Variants in DLC1 observed in about 807,000 individuals in gnomAD.
DLC1 encodes the protein rho GTPase-activating protein 7.
A neutral mutation model predicts 140.3 loss-of-function variants in DLC1; 54 were observed. The observed-to-expected ratio is 0.38, with a 90% confidence interval of 0.31 to 0.48. The LOEUF is 0.48. Among genes scored for constraint, DLC1 ranks in the 20% least tolerant of loss-of-function variants. DLC1 has a pLI of 0.96. For missense variants in DLC1, 2,536 were observed against 1,907.0 expected, an observed-to-expected ratio of 1.33 and a Z score of -6.14; for synonymous variants, 986 against 728.1, an observed-to-expected ratio of 1.35 and a Z score of -5.70.
rs190655349 is a variant in DLC1, at chr8:13,286,987, G to A, written c.1348+18282C>T. ...ACTCTAGAGACTGAAGCACAAATGC[G>A]GATGGTGAAAGGCCATGGAGATTTT... On this transcript the variant is annotated intron_variant, in intron 5 of 17. Transcript: ENST00000276297. 1.4e-3 allele frequency among the ~76,000 whole-genome samples: 206 copies of A among 152,276 alleles called. 1 individual carries two copies. Among genetic ancestry groups the A allele is most frequent in the Admixed American group, 2.6e-3 (40 of 15,294 alleles).
chr8:13,590,542 C>T (rs1056841849), intron 1 of DLC1, among the ~76,000 whole-genome samples: 4 of 151,990 alleles, frequency 2.6e-5, no homozygotes, highest in African/African-American at 4.8e-5. Flanking sequence ...TATAGAAAAT[C>T]CCTCATAATA....
chr8:13,327,120 ATTTTTTTTTTTTTT>A (rs34667525), intron 4 of DLC1, among the ~76,000 whole-genome samples: 2 of 85,636 alleles, frequency 2.3e-5, no homozygotes, highest in African/African-American at 4.4e-5. Flanking sequence ...ACACCCGGCT[ATTTTTTTTTTTTTT>A]TTTTTTTTTT....
At chr8:13,536,909 C>T (rs1378017620) in intron 1 of DLC1, among the ~76,000 whole-genome samples, 1 of 152,160 alleles carries the variant, frequency 6.6e-6, no homozygotes, top group Non-Finnish European at 1.5e-5. Flanking sequence ...TCCAAAATTA[C>T]TATATTTTTG....
chr8:13,525,825 A>G (rs1802904780), intron 1 of DLC1, among the ~76,000 whole-genome samples: 1 of 152,152 alleles, frequency 6.6e-6, no homozygotes, highest in Non-Finnish European at 1.5e-5. Context: ...ATTTTGATAA[A>G]TGAAATAACT....
chr8:13,240,961 A>G (rs1384040036), intron 5 of DLC1, among the ~76,000 whole-genome samples: 1 of 152,180 alleles, frequency 6.6e-6, no homozygotes, highest in Non-Finnish European at 1.5e-5. Context: ...GGAGGCTAAG[A>G]AGGAGAGAGC....
chr8:13,411,026 G>C (rs902031843), intron 2 of DLC1, among the ~76,000 whole-genome samples: 1 of 152,086 alleles, frequency 6.6e-6, no homozygotes, highest in Non-Finnish European at 1.5e-5. Context: ...CGAAAATGAA[G>C]ACCAAGAAAC....
chr8:13,593,593 C>A (rs1291108551), intron 1 of DLC1, among the ~76,000 whole-genome samples: 1 of 151,960 alleles, frequency 6.6e-6, no homozygotes, highest in Non-Finnish European at 1.5e-5. Context: ...AACAAAGAAA[C>A]CTTTGTTGTA....
chr8:13,117,758 C>T (rs1051124805), intron 5 of DLC1, among the ~76,000 whole-genome samples: 11 of 152,304 alleles, frequency 7.2e-5, no homozygotes, highest in East Asian at 1.9e-4. Context: ...TAGTCAGACA[C>T]GGCAGTAGGT....
intron 5 of DLC1, among the ~76,000 whole-genome samples, chr8:13,242,694 C>G (rs1829593479): frequency 6.6e-6 from 1 of 152,074 alleles, no homozygotes; most frequent in Non-Finnish European, 1.5e-5. Flanking sequence ...TGCCTGGTCT[C>G]CTCAATAGGT....
intron 5 of DLC1, among the ~76,000 whole-genome samples, chr8:13,289,059 A>C (rs186111269): frequency 6.6e-6 from 1 of 152,194 alleles, no homozygotes; most frequent in Admixed American, 6.5e-5. Flanking sequence ...TCTGTGACCA[A>C]CTTCACTCCT....
chr8:13,097,560 G>A (rs777360341), intron 10 of DLC1, among the ~76,000 whole-genome samples: 15 of 152,100 alleles, frequency 9.9e-5, no homozygotes, highest in African/African-American at 2.4e-4. Context: ...CACCACACCC[G>A]CCCCAAAATG....
intron 5 of DLC1, among the ~76,000 whole-genome samples, chr8:13,203,723 G>A (rs1827515952): frequency 6.6e-6 from 1 of 152,122 alleles, no homozygotes; most frequent in South Asian, 2.1e-4. Flanking sequence ...CAGGATTATT[G>A]ACAGAAGAGG....
At chr8:13,585,694 T>C (rs1805280740) in intron 1 of DLC1, among the ~76,000 whole-genome samples, 1 of 152,118 alleles carries the variant, frequency 6.6e-6, no homozygotes, top group South Asian at 2.1e-4. Flanking sequence ...TTTCTGGTGG[T>C]TTGCTGAAAA....
intron 9 of DLC1, among the ~76,000 whole-genome samples, 199 bp downstream of exon 9, chr8:13,099,148 T>C (rs1818758231): frequency 6.6e-6 from 1 of 152,146 alleles, no homozygotes; most frequent in African/African-American, 2.4e-5. Context: ...TTTTTTCATC[T>C]TCCCCAACCG....
At chr8:13,564,800 A>G (rs1482685009) in intron 1 of DLC1, among the ~76,000 whole-genome samples, 1 of 152,200 alleles carries the variant, frequency 6.6e-6, no homozygotes, top group Non-Finnish European at 1.5e-5. Flanking sequence ...GATAGGAACT[A>G]GGAAGAAGAG....
chr8:13,359,839 G>C (rs1835138710), intron 4 of DLC1, among the ~76,000 whole-genome samples: 1 of 152,194 alleles, frequency 6.6e-6, no homozygotes, highest in African/African-American at 2.4e-5. Flanking sequence ...ACTTTGAACA[G>C]GTTGGAAGTT....
At chr8:13,595,577 G>A (rs2117484721) in intron 1 of DLC1, among the ~76,000 whole-genome samples, 1 of 152,090 alleles carries the variant, frequency 6.6e-6, no homozygotes, top group Non-Finnish European at 1.5e-5. Flanking sequence ...ATGATTAAGG[G>A]AAAAAGTGAG....
chr8:13,601,997 T>C (rs1401030405), intron 1 of DLC1, among the ~76,000 whole-genome samples: 3 of 151,726 alleles, frequency 2.0e-5, no homozygotes, highest in Non-Finnish European at 4.4e-5. Context: ...ACCAACGTCA[T>C]AAAAAGGAAA....
intron 4 of DLC1, among the ~76,000 whole-genome samples, chr8:13,331,816 A>G (rs935437216): frequency 2.0e-5 from 3 of 152,198 alleles, no homozygotes; most frequent in Non-Finnish European, 2.9e-5. Context: ...TGCCTACCAA[A>G]AGGAATAAAA....
Sources: gnomAD v4.1 joint callset for allele counts (sites outside exome capture counted in the v4.1 genomes callset) on GRCh38, gnomAD v4.1.1 for gene constraint, MANE v1.5 for transcripts, NCBI Gene and HGNC (gene_info 2026-07-23, HGNC 2026-07-21) for gene names.